The following ARHGAP26 variants were observed in gnomAD, a reference collection of about 807,000 sequenced individuals.
ARHGAP26 encodes the protein Rho GTPase activating protein 26.
ARHGAP26 carries 38 observed loss-of-function variants against 104.8 expected under a neutral mutation model. That is an observed-to-expected ratio of 0.36 (90% CI 0.28 to 0.48). The LOEUF (loss-of-function observed/expected upper bound fraction) is 0.48, where lower values mean the gene tolerates loss of function less well. ARHGAP26 is among the 20% of genes least tolerant of loss of function. ARHGAP26 has a pLI of 0.99. For missense variants in ARHGAP26, 704 were observed against 947.9 expected (o/e 0.74, Z 3.38); for synonymous variants, 341 against 340.0 (o/e 1.00, Z -0.03).
chr5:142,801,369 A>G (rs1171817772), intron 1 of ARHGAP26, among the ~76,000 whole-genome samples: 2 of 152,104 alleles, frequency 1.3e-5, no homozygotes, highest in Non-Finnish European at 2.9e-5. Flanking sequence ...AAAATCTTGT[A>G]TGTACTGTCA....
Position 142,808,249 on chromosome 5 carries a change from A to T in ARHGAP26, c.154+37334A>T, listed in dbSNP as rs1180283076. Among the ~76,000 whole-genome samples, 391 of 136,536 alleles carry T rather than the reference A, an allele frequency of 2.9e-3. 8 individuals are homozygous for T. Among genetic ancestry groups the T allele is most frequent in the South Asian group, 5.9e-3 (26 of 4,410 alleles). The allele number at this position is 136,536 out of a possible 152,430, so 89.6% of individuals were successfully genotyped here. On this transcript the variant is annotated intron_variant, in intron 1 of 22. Coordinates refer to ENST00000645722, the MANE Select transcript of ARHGAP26 (RefSeq NM_001135608.3). ...GACATTGTCTCGGAAAAAAAAAAAA[A>T]AAAAAAAAAAAAAAAAAAAAAAAAA...
chr5:143,056,058 G>C lies in ARHGAP26; in HGVS notation c.1404G>C (p.Gln468His). ...RMLPGPLMMY[Q>H]FQRSFIKAAK... is the part of the protein sequence containing the mutation. ...TTCCAGGACCACTCATGATGTACCA[G>C]TTTCAAAGAAGTTTCATCAAAGCAG... Residue 468 changes from glutamine to histidine, a missense_variant, in exon 16 of 23, where the codon CAG (glutamine) becomes CAC (histidine). This residue lies in a region of ARHGAP26 where 287 missense variants were observed against 438.8 expected (regional missense o/e 0.65). Coordinates refer to ENST00000645722, the MANE Select transcript of ARHGAP26 (RefSeq NM_001135608.3). The C allele has an allele frequency of 6.2e-7, 1 of 1,613,236 alleles. No homozygotes were observed. Among genetic ancestry groups the C allele is most frequent in the Non-Finnish European group, 8.5e-7 (1 of 1,179,602 alleles).
intron 1 of ARHGAP26, among the ~76,000 whole-genome samples, chr5:142,863,088 C>T (rs187615816): frequency 5.3e-4 from 81 of 151,614 alleles, no homozygotes; most frequent in Non-Finnish European, 9.9e-4. Context: ...GGGGTTGGCT[C>T]CTTGGTTTTC....
chr5:142,929,026 C>G (rs1764332682), intron 10 of ARHGAP26, among the ~76,000 whole-genome samples: 1 of 152,198 alleles, frequency 6.6e-6, no homozygotes, highest in African/African-American at 2.4e-5. Context: ...CAGCCTCCGC[C>G]TCCAGGGTTC....
At chr5:143,113,466 T>C (rs547627057) in intron 17 of ARHGAP26, among the ~76,000 whole-genome samples, 4 of 152,338 alleles carry the variant, frequency 2.6e-5, no homozygotes, top group African/African-American at 9.6e-5. Flanking sequence ...GCCATAATTA[T>C]CTCCTTTTTG....
At chr5:142,993,108 A>T (rs1195387151) in intron 11 of ARHGAP26, among the ~76,000 whole-genome samples, 1 of 147,052 alleles carries the variant, frequency 6.8e-6, no homozygotes, top group Non-Finnish European at 1.5e-5. Context: ...CAGCTTCCTG[A>T]GTAGCTGGGT....
chr5:142,853,842 C>A (rs1050444724), intron 1 of ARHGAP26, among the ~76,000 whole-genome samples: 2 of 152,078 alleles, frequency 1.3e-5, no homozygotes, highest in Non-Finnish European at 2.9e-5. Context: ...TTGGGTTATG[C>A]GTGTTTCTGT....
chr5:142,800,925 G>T (rs1163444639), intron 1 of ARHGAP26, among the ~76,000 whole-genome samples: 1 of 152,136 alleles, frequency 6.6e-6, no homozygotes, highest in Non-Finnish European at 1.5e-5. Flanking sequence ...GTCTAAGAAG[G>T]TATCTAAACC....
chr5:142,885,487 C>A, intron 5 of ARHGAP26, 88 bp downstream of exon 5: 1 of 1,241,198 alleles, frequency 8.1e-7, no homozygotes, highest in Admixed American at 2.1e-5. Flanking sequence ...GCTAGAAAAT[C>A]TTAGGGTTAG....
intron 18 of ARHGAP26, among the ~76,000 whole-genome samples, chr5:143,125,685 A>C (rs1204655005): frequency 1.3e-5 from 2 of 152,210 alleles, no homozygotes. Context: ...TTGTTTACTC[A>C]ATTAAAATTA....
intron 11 of ARHGAP26, among the ~76,000 whole-genome samples, chr5:142,965,554 C>G (rs1452655989): frequency 6.6e-6 from 1 of 152,194 alleles, no homozygotes; most frequent in African/African-American, 2.4e-5. Context: ...CAGCTCCTAT[C>G]TCTGTATGGC....
intron 10 of ARHGAP26, among the ~76,000 whole-genome samples, chr5:142,914,162 C>G (rs528660405): frequency 6.6e-6 from 1 of 152,342 alleles, no homozygotes; most frequent in African/African-American, 2.4e-5. Flanking sequence ...TTCCCTGGCT[C>G]TATGGCATCC....
At chr5:143,106,653 A>G (rs1464443687) in intron 17 of ARHGAP26, among the ~76,000 whole-genome samples, 2 of 151,826 alleles carry the variant, frequency 1.3e-5, no homozygotes, top group East Asian at 3.9e-4. Context: ...TTGTATTTTT[A>G]GTAGAGACAG....
intron 20 of ARHGAP26, among the ~76,000 whole-genome samples, chr5:143,180,808 G>T (rs1375035187): frequency 1.3e-5 from 2 of 152,096 alleles, no homozygotes; most frequent in East Asian, 3.8e-4. Flanking sequence ...AGATGAGGAC[G>T]CAGCCAAACC....
chr5:142,850,545 C>T (rs537687039), intron 1 of ARHGAP26, among the ~76,000 whole-genome samples: 3 of 152,264 alleles, frequency 2.0e-5, no homozygotes, highest in East Asian at 1.9e-4. Flanking sequence ...TACAAACTTT[C>T]GAAGTTATTA....
intron 14 of ARHGAP26, among the ~76,000 whole-genome samples, chr5:143,048,932 A>C (rs1598797281): frequency 6.6e-6 from 1 of 151,470 alleles, no homozygotes. Flanking sequence ...AAAAAAAAAA[A>C]AAAACCTTAC....
In ARHGAP26 at chr5:142,890,152, ATATATATAT is replaced by A. The variant is rs1392754043; in HGVS notation, c.487-4085_487-4077del. On this transcript the variant is annotated intron_variant, in intron 5 of 22. Coordinates refer to ENST00000645722, the MANE Select transcript of ARHGAP26 (RefSeq NM_001135608.3). ...ACTCCGTCTTAAAAAAAAAAAAAAAATATATATATATATATATATATATATATATATATA... is the reference window on the plus strand; with the variant it reads ...ACTCCGTCTTAAAAAAAAAAAAAAAAATATATATATATATATATATATATA... 1.9e-3 allele frequency among the ~76,000 whole-genome samples: 42 copies of A among 21,942 alleles called. 1 individual carries two copies. Among genetic ancestry groups the A allele is most frequent in the East Asian group, 8.8e-3 (5 of 566 alleles). 14.4% of individuals were successfully genotyped at this position (21,942 alleles called of 152,430 possible).
At chr5:142,952,629 T>TA (rs1460094525) in intron 11 of ARHGAP26, among the ~76,000 whole-genome samples, 2 of 152,150 alleles carry the variant, frequency 1.3e-5, no homozygotes, top group Non-Finnish European at 2.9e-5. Flanking sequence ...CAAAGGTACT[T>TA]ATATTTACTC....
intron 11 of ARHGAP26, among the ~76,000 whole-genome samples, chr5:142,982,251 G>C (rs1774050135): frequency 6.6e-6 from 1 of 152,262 alleles, no homozygotes; most frequent in South Asian, 2.1e-4. Flanking sequence ...CTGGCTGCTA[G>C]CCCAGGCAAA....
Sources: gnomAD v4.1 joint callset for allele counts (sites outside exome capture counted in the v4.1 genomes callset) on GRCh38, gnomAD v4.1.1 for gene constraint, gnomAD v4.1.1 regional missense constraint, MANE v1.5 for transcripts, NCBI Gene and HGNC (gene_info 2026-07-23, HGNC 2026-07-21) for gene names.